Variants in MED12L observed in about 807,000 individuals in gnomAD.
The protein encoded by MED12L is mediator of RNA polymerase II transcription subunit 12-like protein.
A neutral mutation model predicts 281.3 loss-of-function variants in MED12L; 60 were observed. The observed-to-expected ratio is 0.21, with a 90% CI of 0.17 to 0.26. The LOEUF (loss-of-function observed/expected upper bound fraction) is 0.26. Ranked by LOEUF, MED12L falls within the 10% of genes least tolerant of loss-of-function variation. The pLI is 1.00. For missense variants in MED12L, 2,146 were observed against 2,680.9 expected (o/e 0.80, Z 4.41); for synonymous variants, 974 against 987.2 (o/e 0.99, Z 0.25).
chr3:151,097,888 T>C (rs963012559), intron 2 of MED12L, among the ~76,000 whole-genome samples: 1 of 152,214 alleles, frequency 6.6e-6, no homozygotes, highest in Admixed American at 6.5e-5. Flanking sequence ...ATGTTTCAGA[T>C]ATTCTTTAAG....
chr3:151,331,129 C>T (rs551312970), intron 16 of MED12L, among the ~76,000 whole-genome samples: 1 of 152,296 alleles, frequency 6.6e-6, no homozygotes, highest in South Asian at 2.1e-4. Context: ...GTGCCTGTTT[C>T]TAGAGTTATG....
intron 1 of MED12L, among the ~76,000 whole-genome samples, chr3:151,086,141 C>T (rs1393163085): frequency 1.3e-5 from 2 of 152,204 alleles, no homozygotes; most frequent in Admixed American, 1.3e-4. Flanking sequence ...CCCCTCCAGC[C>T]GCCGCGACCG....
Position 151,221,568 on chromosome 3 carries a change from G to C in MED12L, c.2250+27902G>C, listed in dbSNP as rs532438477. ...CAGCCACTCTAGTGTGGCTGAAAGG[G>C]GCCCTTGTAGAGCTCAGGTCATGGC... On this transcript the variant is annotated intron_variant, in intron 16 of 44. Transcript: ENST00000687756. Among the ~76,000 whole-genome samples, 16 of 152,266 alleles carry C rather than the reference G, an allele frequency of 1.1e-4. No homozygotes were observed. In the East Asian group the frequency reaches 3.1e-3, roughly 29 times the overall value.
chr3:151,328,706 C>T (rs542808259), intron 16 of MED12L: 38 of 1,613,840 alleles, frequency 2.4e-5, no homozygotes, highest in Admixed American at 6.7e-5. Context: ...CGAAGAAAAA[C>T]GACACACAAA....
intron 16 of MED12L, chr3:151,294,118 A>G: frequency 1.8e-6 from 2 of 1,109,314 alleles, no homozygotes; most frequent in Non-Finnish European, 2.6e-6. Flanking sequence ...TAATGAAAAG[A>G]AACATTTATT....
At chr3:151,116,216 G>A (rs950940853) in intron 2 of MED12L, 122 bp from the exon 3 acceptor site, 8 of 614,660 alleles carry the variant, frequency 1.3e-5, no homozygotes, top group African/African-American at 1.8e-5. Context: ...TCTGATTGTT[G>A]TCCTTTCAAG....
chr3:151,255,723 T>C (rs1737694751), intron 16 of MED12L, among the ~76,000 whole-genome samples: 1 of 152,178 alleles, frequency 6.6e-6, no homozygotes, highest in Non-Finnish European at 1.5e-5. Context: ...TACTCCAGCA[T>C]AGAGACAAAG....
intron 16 of MED12L, among the ~76,000 whole-genome samples, chr3:151,278,012 A>G (rs571418881): frequency 1.3e-5 from 2 of 152,342 alleles, no homozygotes; most frequent in South Asian, 2.1e-4. Context: ...ATTTTCCTTG[A>G]TATCTCTTCA....
chr3:151,154,279 A>G (rs570962934), intron 5 of MED12L, among the ~76,000 whole-genome samples: 1 of 152,120 alleles, frequency 6.6e-6, no homozygotes, highest in African/African-American at 2.4e-5. Flanking sequence ...AGAGGGCTTT[A>G]TTTATGGACT....
At chr3:151,327,757 A>G in intron 16 of MED12L, 1 of 363,728 alleles carries the variant, frequency 2.7e-6, no homozygotes. Flanking sequence ...AAAGAAAGAA[A>G]GAAATAATGA....
chr3:151,108,335 A>C (rs1711496246), intron 2 of MED12L, among the ~76,000 whole-genome samples: 1 of 152,152 alleles, frequency 6.6e-6, no homozygotes, highest in African/African-American at 2.4e-5. Context: ...AGGTTTGGTT[A>C]ATGATGAGTT....
At chr3:151,382,309 T>TTC (rs1441210464) in intron 32 of MED12L, among the ~76,000 whole-genome samples, 1 of 152,198 alleles carries the variant, frequency 6.6e-6, no homozygotes, top group East Asian at 1.9e-4. Context: ...CAAAATGTAA[T>TTC]TCTCTCTCTC....
intron 16 of MED12L, among the ~76,000 whole-genome samples, chr3:151,235,759 T>C (rs760549981): frequency 6.6e-6 from 1 of 152,062 alleles, no homozygotes; most frequent in Non-Finnish European, 1.5e-5. Context: ...TCCTTGGAGC[T>C]GGCTTCTGCC....
chr3:151,419,722 CT>C (rs1718024093), intron 43 of MED12L, among the ~76,000 whole-genome samples: 1 of 152,140 alleles, frequency 6.6e-6, no homozygotes, highest in Non-Finnish European at 1.5e-5. Flanking sequence ...GTAATTACAG[CT>C]AACATAATAC....
chr3:151,256,108 A>T (rs1737767166), intron 16 of MED12L, among the ~76,000 whole-genome samples: 1 of 152,238 alleles, frequency 6.6e-6, no homozygotes, highest in Non-Finnish European at 1.5e-5. Flanking sequence ...TTTAATGAAT[A>T]TTAATTGTTA....
chr3:151,122,900 C>G lies in MED12L; in HGVS notation c.322C>G (p.Arg108Gly). ...AKDNYWLVTA[R>G]SQSAIHSWFS... ...AGATAATTATTGGCTGGTTACTGCT[C>G]GATCCCAGAGTGCAATTCATAGTTG... Residue 108 changes from arginine to glycine, a missense_variant, in exon 4 of 45, where the codon CGA becomes GGA. By Grantham distance (125) the Arg-to-Gly change is moderately radical. Coordinates refer to ENST00000687756, the MANE Select transcript of MED12L (RefSeq NM_001393769.1). 1.9e-6 allele frequency: 3 copies of G among 1,612,864 alleles called. No homozygotes were observed. Among genetic ancestry groups the G allele is most frequent in the South Asian group, 1.1e-5 (1 of 90,814 alleles).
chr3:151,416,087 G>A (rs907202692), intron 42 of MED12L, among the ~76,000 whole-genome samples: 4 of 152,206 alleles, frequency 2.6e-5, no homozygotes, highest in Admixed American at 2.6e-4. Context: ...CAGTGGAAGA[G>A]ATCCGTAGGG....
intron 16 of MED12L, among the ~76,000 whole-genome samples, chr3:151,268,091 T>TA (rs905737146): frequency 5.9e-5 from 9 of 152,304 alleles, no homozygotes; most frequent in African/African-American, 2.2e-4. Flanking sequence ...TGGTAGTCTT[T>TA]AAACAGTGGG....
At chr3:151,335,240 A>G (rs1430324105) in intron 16 of MED12L, among the ~76,000 whole-genome samples, 1 of 152,110 alleles carries the variant, frequency 6.6e-6, no homozygotes, top group African/African-American at 2.4e-5. Context: ...CACTAACTGT[A>G]TTTTTGTACT....
Sources: allele counts gnomAD v4.1 joint callset (sites outside exome capture counted in the v4.1 genomes callset), GRCh38; gene constraint gnomAD v4.1.1; transcripts MANE v1.5; gene names NCBI Gene and HGNC (gene_info 2026-07-23, HGNC 2026-07-21).